SIPA1L2: variants seen among roughly 807,000 people sequenced by gnomAD.
SIPA1L2 encodes signal-induced proliferation-associated 1-like protein 2.
A neutral mutation model predicts 163.9 loss-of-function variants in SIPA1L2; 56 were observed. The observed-to-expected ratio is 0.34, with a 90% CI of 0.28 to 0.43. SIPA1L2 has a LOEUF of 0.43. Ranked by LOEUF, SIPA1L2 falls within the 20% of genes least tolerant of loss-of-function variation. The pLI, the probability that SIPA1L2 is intolerant of heterozygous loss-of-function variation, is 1.00. For missense variants in SIPA1L2, 1,974 were observed against 2,193.5 expected (o/e 0.90, Z 2.00); for synonymous variants, 877 against 865.7 (o/e 1.01, Z -0.23).
At chr1:232,475,625 T>C (rs1665008209) in intron 7 of SIPA1L2, among the ~76,000 whole-genome samples, 1 of 152,184 alleles carries the variant, frequency 6.6e-6, no homozygotes, top group Admixed American at 6.5e-5. Context: ...TGAATGTTAG[T>C]GAACTGTTCT....
At chr1:232,586,441 C>T (rs1660659478) in intron 1 of SIPA1L2, among the ~76,000 whole-genome samples, 1 of 152,128 alleles carries the variant, frequency 6.6e-6, no homozygotes, top group African/African-American at 2.4e-5. Context: ...GAGCACCTGG[C>T]TTCCTCCCAA....
chr1:232,459,195 C>T (rs998060457), intron 10 of SIPA1L2, among the ~76,000 whole-genome samples: 4 of 152,200 alleles, frequency 2.6e-5, no homozygotes, highest in African/African-American at 9.7e-5. Context: ...TCCAATATGG[C>T]AGCCACTAGC....
chr1:232,511,919 T>C (rs1313237528), intron 3 of SIPA1L2, among the ~76,000 whole-genome samples: 1 of 152,170 alleles, frequency 6.6e-6, no homozygotes, highest in African/African-American at 2.4e-5. Context: ...CAAAAGAAAC[T>C]ATCATCAGAG....
chr1:232,607,929 C>T (rs926630690), intron 1 of SIPA1L2, among the ~76,000 whole-genome samples: 1 of 151,386 alleles, frequency 6.6e-6, no homozygotes, highest in African/African-American at 2.4e-5. Context: ...GTAGCGCATG[C>T]CTGTAATCCC....
chr1:232,512,487 T>C (rs1667024927), intron 3 of SIPA1L2, among the ~76,000 whole-genome samples: 1 of 152,106 alleles, frequency 6.6e-6, no homozygotes, highest in Non-Finnish European at 1.5e-5. Context: ...CCATCAATGA[T>C]AGACTAGATA....
Position 232,617,890 on chromosome 1 carries a change from C to T in SIPA1L2, c.-319+11979G>A, listed in dbSNP as rs79043740. 8.6e-3 allele frequency among the ~76,000 whole-genome samples: 1,304 copies of T among 152,050 alleles called. 22 individuals carry two copies. The highest frequency in any genetic ancestry group is 0.03 in the African/African-American group (1,254 of 41,422). ...TTTAACTCGTTTACAATATACATGC[C>T]GAAGTGTTTAGTGATAAAAGTGTAA... On this transcript the variant is annotated intron_variant, in intron 1 of 22. Transcript: ENST00000674635.
chr1:232,594,406 G>A (rs1661134764), intron 1 of SIPA1L2, among the ~76,000 whole-genome samples: 1 of 152,082 alleles, frequency 6.6e-6, no homozygotes, highest in Non-Finnish European at 1.5e-5. Flanking sequence ...TCAAAGATGA[G>A]CACACAGGAG....
intron 3 of SIPA1L2, among the ~76,000 whole-genome samples, chr1:232,508,435 T>C (rs1666831084): frequency 6.6e-6 from 1 of 152,220 alleles, no homozygotes; most frequent in Non-Finnish European, 1.5e-5. Context: ...CAACACACAG[T>C]GTCTGGGCTC....
chr1:232,413,602 G>A (rs1661079837), intron 19 of SIPA1L2, among the ~76,000 whole-genome samples: 1 of 152,184 alleles, frequency 6.6e-6, no homozygotes, highest in African/African-American at 2.4e-5. Flanking sequence ...GATAGTTCTG[G>A]GCTGTGTAAA....
chr1:232,407,596 G>A (rs1484009664), intron 19 of SIPA1L2, among the ~76,000 whole-genome samples: 1 of 152,176 alleles, frequency 6.6e-6, no homozygotes, highest in Non-Finnish European at 1.5e-5. Flanking sequence ...AACTCTGCAT[G>A]TGTCTTTCAC....
chr1:232,542,064 T>C (rs1327057977), intron 2 of SIPA1L2, among the ~76,000 whole-genome samples: 2 of 152,214 alleles, frequency 1.3e-5, no homozygotes, highest in African/African-American at 4.8e-5. Flanking sequence ...TCTCTGAATA[T>C]TCAGCATTTG....
At chr1:232,537,715 T>C (rs1657400474) in intron 2 of SIPA1L2, among the ~76,000 whole-genome samples, 1 of 152,176 alleles carries the variant, frequency 6.6e-6, no homozygotes, top group African/African-American at 2.4e-5. Context: ...TAGCTAACCT[T>C]TGTGAGCCTC....
chr1:232,438,152 T>A (rs1662675762), intron 15 of SIPA1L2, among the ~76,000 whole-genome samples: 1 of 152,032 alleles, frequency 6.6e-6, no homozygotes, highest in Non-Finnish European at 1.5e-5. Context: ...CTGAGGAACA[T>A]AAAAAGCCTT....
chr1:232,414,014 G>A (rs144619597), intron 19 of SIPA1L2, among the ~76,000 whole-genome samples: 1 of 152,280 alleles, frequency 6.6e-6, no homozygotes, highest in East Asian at 1.9e-4. Flanking sequence ...GAAGCATGGG[G>A]AGCCCAGGAA....
intron 18 of SIPA1L2, among the ~76,000 whole-genome samples, chr1:232,416,480 G>C (rs1454333075): frequency 6.6e-6 from 1 of 152,156 alleles, no homozygotes. Flanking sequence ...TCTGACTATT[G>C]CAAGACAAAT....
At chr1:232,596,862 A>G (rs898934638) in intron 1 of SIPA1L2, among the ~76,000 whole-genome samples, 6 of 152,174 alleles carry the variant, frequency 3.9e-5, no homozygotes, top group Non-Finnish European at 7.3e-5. Context: ...TTATCTGATT[A>G]GAAAATGGTT....
chr1:232,429,090 C>T (rs1456250364), intron 16 of SIPA1L2, among the ~76,000 whole-genome samples: 3 of 152,100 alleles, frequency 2.0e-5, no homozygotes, highest in Admixed American at 6.6e-5. Flanking sequence ...ATAAAGCAGC[C>T]GTCTCCCTTA....
At chr1:232,435,205 C>T (rs535196506) in intron 15 of SIPA1L2, among the ~76,000 whole-genome samples, 67 of 152,178 alleles carry the variant, frequency 4.4e-4, no homozygotes, top group African/African-American at 1.3e-3. Context: ...ATGACCAAAG[C>T]GTATAGTTTT....
chr1:232,488,508 A>T (rs1665761600), intron 5 of SIPA1L2, among the ~76,000 whole-genome samples: 1 of 152,226 alleles, frequency 6.6e-6, no homozygotes, highest in African/African-American at 2.4e-5. Flanking sequence ...CTCATGTACA[A>T]TGGGAATCTG....
Sources: allele counts gnomAD v4.1 joint callset (sites outside exome capture counted in the v4.1 genomes callset), GRCh38; gene constraint gnomAD v4.1.1; transcripts MANE v1.5; gene names NCBI Gene and HGNC (gene_info 2026-07-23, HGNC 2026-07-21).